ZDHHC14: variants seen among roughly 807,000 people sequenced by gnomAD.
ZDHHC14 encodes palmitoyltransferase ZDHHC14.
A neutral mutation model predicts 47.7 loss-of-function variants in ZDHHC14; 16 were observed. That is an observed-to-expected ratio of 0.34 (90% CI 0.23 to 0.51). ZDHHC14 has a LOEUF of 0.51. ZDHHC14 is among the 20% of genes least tolerant of loss of function. ZDHHC14 has a pLI of 0.97. For synonymous variants in ZDHHC14, 293 were observed against 278.9 expected (o/e 1.05, Z -0.50); for missense variants, 515 against 662.5 (o/e 0.78, Z 2.44).
intron 1 of ZDHHC14, among the ~76,000 whole-genome samples, chr6:157,487,610 T>G (rs1313708084): frequency 2.6e-5 from 4 of 152,252 alleles, no homozygotes; most frequent in African/African-American, 9.6e-5. Flanking sequence ...ATGGCGGAAC[T>G]GGGATGAAGC....
chr6:157,439,068 C>T (rs1284482472), intron 1 of ZDHHC14, among the ~76,000 whole-genome samples: 3 of 152,118 alleles, frequency 2.0e-5, no homozygotes, highest in Non-Finnish European at 4.4e-5. Flanking sequence ...AAAAAAGTAC[C>T]CTGTCACTTG....
At chr6:157,537,817 G>T (rs752174214) in intron 1 of ZDHHC14, among the ~76,000 whole-genome samples, 1 of 152,126 alleles carries the variant, frequency 6.6e-6, no homozygotes, top group Non-Finnish European at 1.5e-5. Context: ...ATCTGAGCTC[G>T]GACTAAGAAT....
chr6:157,534,490 A>G (rs1263212398), intron 1 of ZDHHC14, among the ~76,000 whole-genome samples: 1 of 152,106 alleles, frequency 6.6e-6, no homozygotes, highest in African/African-American at 2.4e-5. Flanking sequence ...TTTCCCTCCC[A>G]TGATTCACAT....
chr6:157,560,769 A>G (rs1368302239), intron 2 of ZDHHC14, among the ~76,000 whole-genome samples: 1 of 152,248 alleles, frequency 6.6e-6, no homozygotes, highest in Non-Finnish European at 1.5e-5. Context: ...GCAAATCACG[A>G]ATTCTCTCTA....
At chr6:157,405,435 T>A (rs1437637512) in intron 1 of ZDHHC14, among the ~76,000 whole-genome samples, 3 of 152,292 alleles carry the variant, frequency 2.0e-5, no homozygotes, top group South Asian at 4.1e-4. Flanking sequence ...GGTTTCACTG[T>A]GTTGGCCAGG....
At chr6:157,508,851 T>C (rs1780393751) in intron 1 of ZDHHC14, among the ~76,000 whole-genome samples, 1 of 152,246 alleles carries the variant, frequency 6.6e-6, no homozygotes, top group African/African-American at 2.4e-5. Flanking sequence ...TCTCTAACTG[T>C]TCTTTTTTAG....
At chr6:157,539,990 G>A (rs1226034133) in intron 1 of ZDHHC14, among the ~76,000 whole-genome samples, 2 of 152,202 alleles carry the variant, frequency 1.3e-5, no homozygotes, top group African/African-American at 4.8e-5. Context: ...GCAGGAGCAG[G>A]TTCCCAGGGA....
At chr6:157,585,278 A>G (rs1311271230) in intron 2 of ZDHHC14, among the ~76,000 whole-genome samples, 1 of 152,124 alleles carries the variant, frequency 6.6e-6, no homozygotes, top group Non-Finnish European at 1.5e-5. Flanking sequence ...TTTCCCCCCA[A>G]AATTCTAGTG....
intron 1 of ZDHHC14, among the ~76,000 whole-genome samples, chr6:157,457,680 CA>C (rs1778959629): frequency 6.6e-6 from 1 of 152,178 alleles, no homozygotes; most frequent in Admixed American, 6.5e-5. Context: ...TGCCTGGGAC[CA>C]AATTGCCCTT....
intron 2 of ZDHHC14, among the ~76,000 whole-genome samples, chr6:157,583,663 A>T (rs1212987896): frequency 6.6e-6 from 1 of 151,986 alleles, no homozygotes; most frequent in Non-Finnish European, 1.5e-5. Context: ...ACACATTTTC[A>T]GCTGTGTGCC....
intron 1 of ZDHHC14, among the ~76,000 whole-genome samples, chr6:157,539,065 G>A (rs1405157806): frequency 6.6e-5 from 10 of 152,124 alleles, no homozygotes; most frequent in Admixed American, 4.6e-4. Context: ...TGGAGCTGGC[G>A]GTGGTGGTTG....
chr6:157,633,075 A>G lies in ZDHHC14; in HGVS notation c.752+193A>G, dbSNP rs943731193. On this transcript the variant is annotated intron_variant, in intron 5 of 8. Coordinates refer to ENST00000359775, the MANE Select transcript of ZDHHC14 (RefSeq NM_024630.3). The stretch of plus-strand genomic sequence containing the variant: ...CATCCCTGAGTGACTCAGCCTGTTT[A>G]AATCGAGGGCTAGGAAGCCAAGTAT... 3.3e-5 allele frequency among the ~76,000 whole-genome samples: 5 copies of G among 152,266 alleles called. No homozygotes were observed. The East Asian group carries it at 9.7e-4, about 29-fold the overall frequency.
intron 1 of ZDHHC14, among the ~76,000 whole-genome samples, chr6:157,405,182 C>T (rs1002324044): frequency 3.9e-5 from 6 of 152,178 alleles, no homozygotes; most frequent in African/African-American, 1.4e-4. Flanking sequence ...GAGAGAAACC[C>T]ATCTGGGAAC....
rs1779001532 is a variant in ZDHHC14 at position 157,678,136 on chromosome 6, T to C, written c.*5014T>C. 6.6e-6 allele frequency: 1 copy of C among 152,234 alleles called. No individual in the cohort carries two copies. 9.4% of individuals were successfully genotyped at this position (152,234 alleles called of 1,614,324 possible). On this transcript the variant is annotated 3_prime_UTR_variant, in exon 9 of 9. Coordinates refer to ENST00000359775, the MANE Select transcript of ZDHHC14 (RefSeq NM_024630.3). ...AAAATTTTTCTCCTTCAATAAAAAC[T>C]GCTAATGGCATAAAATGTAAATTTC...
At chr6:157,541,596 G>A (rs1210749523) in intron 1 of ZDHHC14, among the ~76,000 whole-genome samples, 1 of 152,168 alleles carries the variant, frequency 6.6e-6, no homozygotes, top group Non-Finnish European at 1.5e-5. Flanking sequence ...CTAATTCCGT[G>A]ATTCTGCGTC....
intron 1 of ZDHHC14, among the ~76,000 whole-genome samples, chr6:157,514,299 C>G (rs1780600122): frequency 6.6e-6 from 1 of 152,196 alleles, no homozygotes; most frequent in African/African-American, 2.4e-5. Context: ...TACCGTCACT[C>G]CCCTCTCAGG....
At chr6:157,624,502 A>T (rs1187743994) in intron 3 of ZDHHC14, among the ~76,000 whole-genome samples, 1 of 152,230 alleles carries the variant, frequency 6.6e-6, no homozygotes, top group Non-Finnish European at 1.5e-5. Context: ...AAATAACACA[A>T]GGAACTCTTT....
intron 8 of ZDHHC14, among the ~76,000 whole-genome samples, chr6:157,664,744 C>T (rs1778480297): frequency 6.6e-6 from 1 of 152,218 alleles, no homozygotes; most frequent in Non-Finnish European, 1.5e-5. Flanking sequence ...TAATGCACTA[C>T]TTTTCTCAAC....
At chr6:157,449,780 A>G (rs1033303082) in intron 1 of ZDHHC14, among the ~76,000 whole-genome samples, 2 of 152,162 alleles carry the variant, frequency 1.3e-5, no homozygotes, top group Non-Finnish European at 2.9e-5. Flanking sequence ...CTGACTTGTT[A>G]TTGATGGAAA....
Sources: allele counts gnomAD v4.1 joint callset (sites outside exome capture counted in the v4.1 genomes callset), GRCh38; gene constraint gnomAD v4.1.1; transcripts MANE v1.5; gene names NCBI Gene and HGNC (gene_info 2026-07-23, HGNC 2026-07-21).